The following ZNF182 variants were observed in gnomAD, a reference collection of about 807,000 sequenced individuals.
ZNF182 encodes the protein zinc finger protein 182.
A neutral mutation model predicts 28.1 loss-of-function variants in ZNF182; 10 were observed. The ratio of observed to expected loss-of-function variants is 0.36; its 90% CI spans 0.22 to 0.60. ZNF182 has a LOEUF of 0.60. Among genes scored for constraint, ZNF182 ranks in the 20% least tolerant of loss-of-function variants. The pLI is 0.75. For missense variants in ZNF182, 352 were observed against 453.2 expected (o/e 0.78, Z 2.03); for synonymous variants, 156 against 158.7 (o/e 0.98, Z 0.13).
intron 3 of ZNF182, among the ~76,000 whole-genome samples, chrX:47,998,536 GA>G (rs1423122505): frequency 1.8e-5 from 2 of 112,177 alleles, no homozygotes; most frequent in Non-Finnish European, 3.8e-5. Flanking sequence ...TACAACATAT[GA>G]AAATGTGTGG....
rs781896840 is a variant in ZNF182 at position 47,987,344 on chromosome X, A to G, written c.16-3933T>C. On this transcript the variant is annotated intron_variant, in intron 3 of 5. Coordinates refer to ENST00000376943, the MANE Select transcript of ZNF182 (RefSeq NM_001007088.2). ...AAGTGATTCGAGAAGGCTAAAAGTAAAGGGATAGGCAATGGTCGACCAGAC... is the reference window on the plus strand; with the variant it reads ...AAGTGATTCGAGAAGGCTAAAAGTAGAGGGATAGGCAATGGTCGACCAGAC... Among the ~76,000 whole-genome samples the G allele has an allele frequency of 1.7e-4, 19 of 112,273 alleles. No individual in the cohort carries two copies. The South Asian group carries it at 1.9e-3, about 11-fold the overall frequency.
chrX:47,977,124 A>G lies in ZNF182; in HGVS notation c.906T>C (p.Asn302=). The G allele has an allele frequency of 8.3e-7, 1 of 1,210,800 alleles. No individual in the cohort carries two copies. Among genetic ancestry groups the G allele is most frequent in the Non-Finnish European group, 1.1e-6 (1 of 895,269 alleles). ...THTGEKPYEC[N]ECGKAFTQKS... is the part of the protein sequence containing the mutation. ...TCTGAGTGAAGGCTTTTCCACATTC[A>G]TTACATTCATAAGGTTTTTCTCCTG... Residue 302 remains asparagine (N), a synonymous_variant, in exon 6 of 6, where the codon AAT becomes AAC. Coordinates refer to ENST00000376943, the MANE Select transcript of ZNF182 (RefSeq NM_001007088.2).
At chrX:48,003,786 T>C (rs782255180) in intron 1 of ZNF182, 84 bp from the exon 2 acceptor site, 3 of 110,958 alleles carry the variant, frequency 2.7e-5, no homozygotes, top group African/African-American at 9.9e-5. Flanking sequence ...AGTGAGCCCC[T>C]AGAACCTCGT....
Position 47,976,194 on chromosome X carries a change from A to T in ZNF182, c.1836T>A (p.Thr612=). The T allele has an allele frequency of 5.2e-6, 6 of 1,161,371 alleles. No homozygotes were observed. Among genetic ancestry groups the T allele is most frequent in the Non-Finnish European group, 6.9e-6 (6 of 874,126 alleles). ...AATGTGCCATGAACTTTGACTTCCG[A>T]GTGTGGCCTCTTCCATGGGCTTTCT... The part of the protein sequence containing the change: ...AGKKAHGRGH[T]RKSKFMAH Residue 612 remains threonine, a synonymous_variant, in exon 6 of 6, where the codon ACT becomes ACA. Coordinates refer to ENST00000376943, the MANE Select transcript of ZNF182 (RefSeq NM_001007088.2).
At chrX:47,991,129 A>G (rs1002703035) in intron 3 of ZNF182, among the ~76,000 whole-genome samples, 2 of 111,861 alleles carry the variant, frequency 1.8e-5, no homozygotes, top group Non-Finnish European at 3.8e-5. Flanking sequence ...GGAGGTAATT[A>G]AGGTTAAATA....
At chrX:47,990,155 CA>C (rs1260375491) in intron 3 of ZNF182, among the ~76,000 whole-genome samples, 1 of 110,900 alleles carries the variant, frequency 9.0e-6, no homozygotes, top group African/African-American at 3.3e-5. Flanking sequence ...CCAACATCTA[CA>C]AATATATTTT....
At chrX:47,977,870 C>T in intron 5 of ZNF182, 73 bp from the exon 6 acceptor site, 1 of 913,945 alleles carries the variant, frequency 1.1e-6, no homozygotes. Flanking sequence ...ATTATTCTGC[C>T]ATATGAAAGC....
intron 3 of ZNF182, among the ~76,000 whole-genome samples, chrX:47,991,079 TA>T (rs1426363204): frequency 8.9e-6 from 1 of 112,043 alleles, no homozygotes; most frequent in Non-Finnish European, 1.9e-5. Flanking sequence ...GTTGAAATCC[TA>T]ACCCCCAATG....
intron 5 of ZNF182, among the ~76,000 whole-genome samples, chrX:47,979,866 G>GGTGTGTGTGT (rs56350180): frequency 1.1e-3 from 103 of 89,784 alleles, no homozygotes; most frequent in South Asian, 3.2e-3. Flanking sequence ...GTGTGTGTGG[G>GGTGTGTGTGT]GTGTGTGTGT....
rs781803135 is a variant in ZNF182 at position 47,977,788 on chromosome X, T to G, written c.242A>C (p.Gln81Pro). ...IPFWNFPEVC[Q>P]VDEQIERQHQ... ...TTGCCTCTCAATCTGTTCATCAACT[T>G]GACAGACTTCTAGAAAGAAGTACAA... The change falls in exon 6 of 6, where the codon CAA (glutamine) becomes CCA (proline). Residue 81 changes from glutamine (Q) to proline (P), a missense_variant. Gln to Pro is a moderately conservative substitution (Grantham distance 76). Coordinates refer to ENST00000376943, the MANE Select transcript of ZNF182 (RefSeq NM_001007088.2). 8.5e-7 allele frequency: 1 copy of G among 1,171,436 alleles called. No homozygotes were observed. Among genetic ancestry groups the G allele is most frequent in the Non-Finnish European group, 1.1e-6 (1 of 875,239 alleles).
chrX:47,978,566 G>A (rs782649725), intron 5 of ZNF182, among the ~76,000 whole-genome samples: 3 of 112,349 alleles, frequency 2.7e-5, no homozygotes, highest in Non-Finnish European at 5.6e-5. Flanking sequence ...GGGTTCACCC[G>A]TGTATCCATC....
rs149501545 is a variant in ZNF182, at chrX:47,983,324, C to G, written c.103G>C (p.Asp35His). The G allele has an allele frequency of 1.1e-5, 13 of 1,209,531 alleles. No individual in the cohort carries two copies. In the African/African-American group the frequency reaches 1.8e-4, roughly 16 times the overall value. Residue 35 changes from aspartate (D) to histidine (H), a missense_variant, in exon 4 of 6, where the codon GAC (aspartate) becomes CAC (histidine). Physicochemically the swap from Asp to His is moderately conservative, Grantham distance 81 (BLOSUM62 -1). Coordinates refer to ENST00000376943, the MANE Select transcript of ZNF182 (RefSeq NM_001007088.2). Reference protein sequence around the residue: ...LNPPQRTLYRDVMLETYSNLV... With the variant: ...LNPPQRTLYRHVMLETYSNLV... The stretch of plus-strand genomic sequence containing the variant: ...TTGCTGTAGGTCTCCAGCATCACGT[C>G]TCTGTACAGGGTCCTCTGTGGTGGG...
rs899999810 is a variant in ZNF182 at position 47,985,361 on chromosome X, A to G, written c.16-1950T>C. 3.6e-5 allele frequency among the ~76,000 whole-genome samples: 4 copies of G among 112,368 alleles called. No individual in the cohort carries two copies. The Admixed American group carries it at 3.8e-4, about 11-fold the overall frequency. ...CTGCATACTGCATGATTACATTTATATATTACATTTATGGTAAATAAAAAC... is the reference window on the plus strand; with the variant it reads ...CTGCATACTGCATGATTACATTTATGTATTACATTTATGGTAAATAAAAAC... On this transcript the variant is annotated intron_variant, in intron 3 of 5. Coordinates refer to ENST00000376943, the MANE Select transcript of ZNF182 (RefSeq NM_001007088.2).
At chrX:47,988,973 A>C (rs782647175) in intron 3 of ZNF182, among the ~76,000 whole-genome samples, 39 of 112,542 alleles carry the variant, frequency 3.5e-4, no homozygotes, top group Non-Finnish European at 6.2e-4. Flanking sequence ...ATGGATAATA[A>C]TACTAATTGG....
chrX:47,982,081 T>C (rs963238201), intron 5 of ZNF182, among the ~76,000 whole-genome samples: 7 of 111,620 alleles, frequency 6.3e-5, no homozygotes, highest in Admixed American at 5.7e-4. Context: ...TTTCCATCAA[T>C]TGATGAATGG....
At chrX:47,983,460 G>A (rs1556899405) in intron 3 of ZNF182, 49 bp from the exon 4 acceptor site, 1 of 1,147,921 alleles carries the variant, frequency 8.7e-7, no homozygotes, top group African/African-American at 1.8e-5. Context: ...ACTAGATGAT[G>A]AGGATAAAAT....
rs2058882124 is a variant in ZNF182, at chrX:47,976,048, GAAGA to G, written c.*115_*118del. ...TTTTGGGTTATGACTGAGATGAAAAGAAGAAAGGCTGAATTTACTCCCATATTTA... is the reference window on the plus strand; with the variant it reads ...TTTTGGGTTATGACTGAGATGAAAAGAAGGCTGAATTTACTCCCATATTTA... On this transcript the variant is annotated 3_prime_UTR_variant, in exon 6 of 6. Transcript: ENST00000376943. 9.1e-6 allele frequency: 7 copies of G among 771,991 alleles called. No homozygotes were observed. The highest frequency in any genetic ancestry group is 1.2e-5 in the Non-Finnish European group (7 of 561,186). The allele number at this position is 771,991 out of a possible 1,213,427, so 63.6% of individuals were successfully genotyped here.
At chrX:47,999,505 C>G (rs1556901617) in intron 3 of ZNF182, among the ~76,000 whole-genome samples, 3 of 109,827 alleles carry the variant, frequency 2.7e-5, no homozygotes, top group Non-Finnish European at 5.7e-5. Context: ...AAAAATTCTT[C>G]TCATACAAGT....
intron 3 of ZNF182, among the ~76,000 whole-genome samples, chrX:47,998,823 T>C (rs1001752104): frequency 4.6e-4 from 44 of 95,382 alleles, no homozygotes; most frequent in African/African-American, 1.7e-3. Flanking sequence ...CGCACCACTA[T>C]ACTCCTAAGT....
Sources: gnomAD v4.1 joint callset for allele counts (sites outside exome capture counted in the v4.1 genomes callset) on GRCh38, gnomAD v4.1.1 for gene constraint, MANE v1.5 for transcripts, NCBI Gene and HGNC (gene_info 2026-07-23, HGNC 2026-07-21) for gene names.